The following CNIH3 variants were observed in gnomAD, a reference collection of about 807,000 sequenced individuals.
CNIH3 encodes cornichon family AMPA receptor auxiliary protein 3.
CNIH3 carries 14 observed loss-of-function variants against 24.1 expected under a neutral mutation model. That is an observed-to-expected ratio of 0.58 (90% CI 0.38 to 0.91). CNIH3 has a LOEUF of 0.91. Ranked by LOEUF, CNIH3 falls within the 40% of genes least tolerant of loss-of-function variation. The pLI is 0.00. For synonymous variants in CNIH3, 68 were observed against 73.8 expected (o/e 0.92, Z 0.40); for missense variants, 178 against 196.8 (o/e 0.90, Z 0.57).
At chr1:224,661,182 CA>C (rs1454399915) in intron 1 of CNIH3, 1 of 251,732 alleles carries the variant, frequency 4.0e-6, no homozygotes, top group Non-Finnish European at 8.6e-6. Flanking sequence ...CCTGGTTATC[CA>C]AGCACAGCTG....
At chr1:224,485,851 A>G (rs1331128713) in intron 1 of CNIH3, among the ~76,000 whole-genome samples, 3 of 152,212 alleles carry the variant, frequency 2.0e-5, no homozygotes, top group African/African-American at 7.2e-5. Flanking sequence ...CCATGTATCC[A>G]TCCACAATCA....
intron 1 of CNIH3, among the ~76,000 whole-genome samples, chr1:224,666,468 C>T (rs1179745199): frequency 6.6e-6 from 1 of 152,104 alleles, no homozygotes; most frequent in Non-Finnish European, 1.5e-5. Flanking sequence ...GTGGATAGTG[C>T]TATTTAGAAG....
At chr1:224,729,105 C>T (rs1689184000) in intron 3 of CNIH3, among the ~76,000 whole-genome samples, 1 of 152,006 alleles carries the variant, frequency 6.6e-6, no homozygotes, top group Non-Finnish European at 1.5e-5. Context: ...GTAGGCAGAG[C>T]TCCCAATAGA....
intron 3 of CNIH3, chr1:224,566,056 A>C: frequency 6.7e-6 from 1 of 149,400 alleles, no homozygotes. Context: ...TTCTCTCCCC[A>C]TTGCTTTAAT....
At chr1:224,509,229 G>C (rs1239851828) in intron 1 of CNIH3, among the ~76,000 whole-genome samples, 2 of 152,112 alleles carry the variant, frequency 1.3e-5, no homozygotes, top group East Asian at 3.9e-4. Context: ...AGGCTGAGAC[G>C]CAAGAATTGC....
chr1:224,454,333 T>C, intron 1 of CNIH3: 1 of 982,204 alleles, frequency 1.0e-6, no homozygotes, highest in East Asian at 1.1e-4. Flanking sequence ...TTTGCAAAGC[T>C]AGGAGGCTTG....
At chr1:224,532,189 C>G (rs577055356) in intron 2 of CNIH3, among the ~76,000 whole-genome samples, 2 of 151,970 alleles carry the variant, frequency 1.3e-5, no homozygotes, top group Non-Finnish European at 2.9e-5. Context: ...GGTTTTTCCA[C>G]GAAGGTAAAG....
chr1:224,481,817 AACTTGTAT>A (rs1676825194), intron 1 of CNIH3, among the ~76,000 whole-genome samples: 1 of 152,172 alleles, frequency 6.6e-6, no homozygotes, highest in Non-Finnish European at 1.5e-5. Flanking sequence ...AAGCCAGTCA[AACTTGTAT>A]ACTCCCCTTA....
intron 3 of CNIH3, among the ~76,000 whole-genome samples, chr1:224,554,840 AC>A (rs991927689): frequency 3.8e-4 from 58 of 151,866 alleles, no homozygotes; most frequent in African/African-American, 1.4e-3. Context: ...TTCTGCCTCG[AC>A]CTCCCAAAGT....
At chr1:224,478,381 A>G (rs1405170259) in intron 1 of CNIH3, among the ~76,000 whole-genome samples, 1 of 152,132 alleles carries the variant, frequency 6.6e-6, no homozygotes, top group Non-Finnish European at 1.5e-5. Flanking sequence ...ATTTTCAAAT[A>G]GCTTCTTCTC....
chr1:224,739,177 T>C (rs760808477), intron 5 of CNIH3, 152 bp from the exon 6 acceptor site: 58 of 1,380,966 alleles, frequency 4.2e-5, no homozygotes, highest in African/African-American at 3.0e-4. Context: ...AGTAGTGGAG[T>C]TGGCGAGATG....
intron 1 of CNIH3, among the ~76,000 whole-genome samples, chr1:224,643,416 G>A (rs1393437197): frequency 6.6e-6 from 1 of 152,214 alleles, no homozygotes; most frequent in Non-Finnish European, 1.5e-5. Flanking sequence ...GCAGCGAGGT[G>A]TTAGTGTAAC....
intron 4 of CNIH3, chr1:224,574,970 G>C (rs1420984842): frequency 3.4e-6 from 3 of 880,020 alleles, no homozygotes; most frequent in South Asian, 2.6e-5. Context: ...CTGACTTAAA[G>C]TATAAGTAGG....
chr1:224,573,909 T>C (rs1357629785), intron 4 of CNIH3, among the ~76,000 whole-genome samples: 1 of 152,142 alleles, frequency 6.6e-6, no homozygotes, highest in Non-Finnish European at 1.5e-5. Flanking sequence ...ATTTCCCTTT[T>C]TCATATGTTC....
At chr1:224,488,902 A>C (rs961614907) in intron 1 of CNIH3, among the ~76,000 whole-genome samples, 1 of 152,084 alleles carries the variant, frequency 6.6e-6, no homozygotes, top group Non-Finnish European at 1.5e-5. Context: ...TCCCAAGCGC[A>C]TTTTCCTTTA....
intron 1 of CNIH3, among the ~76,000 whole-genome samples, chr1:224,665,281 G>A (rs1179796058): frequency 6.6e-6 from 1 of 152,152 alleles, no homozygotes; most frequent in Non-Finnish European, 1.5e-5. Flanking sequence ...TTGCCCTTAA[G>A]CACACTAGGA....
At chr1:224,685,711 G>GT (rs952905009) in intron 3 of CNIH3, among the ~76,000 whole-genome samples, 2 of 152,130 alleles carry the variant, frequency 1.3e-5, no homozygotes, top group African/African-American at 4.8e-5. Context: ...AGCTTTTAAA[G>GT]TTTTTTCTGT....
chr1:224,735,752 C>G (rs1390318262), intron 5 of CNIH3, among the ~76,000 whole-genome samples: 3 of 152,056 alleles, frequency 2.0e-5, no homozygotes, highest in Non-Finnish European at 4.4e-5. Context: ...GAACTTGGCT[C>G]AAGTGATTCT....
chr1:224,566,911 A>G (rs866545293), intron 4 of CNIH3, among the ~76,000 whole-genome samples: 3 of 152,170 alleles, frequency 2.0e-5, no homozygotes, highest in African/African-American at 7.2e-5. Flanking sequence ...GTCAAATGGT[A>G]TTTCTAGTTC....
Sources: gnomAD v4.1 joint callset for allele counts (sites outside exome capture counted in the v4.1 genomes callset) on GRCh38, gnomAD v4.1.1 for gene constraint, MANE v1.5 for transcripts, NCBI Gene and HGNC (gene_info 2026-07-23, HGNC 2026-07-21) for gene names.